TASP1: variants seen among roughly 807,000 people sequenced by gnomAD.
TASP1 encodes taspase 1.
A neutral mutation model predicts 56.6 loss-of-function variants in TASP1; 16 were observed. The observed-to-expected ratio is 0.28, with a 90% CI of 0.19 to 0.43. The LOEUF is 0.43. Ranked by LOEUF, TASP1 falls within the 20% of genes least tolerant of loss-of-function variation. The pLI is 1.00. For synonymous variants in TASP1, 179 were observed against 184.2 expected, an observed-to-expected ratio of 0.97 and a Z score of 0.23; for missense variants, 393 against 511.6, an observed-to-expected ratio of 0.77 and a Z score of 2.24.
chr20:13,483,624 A>C (rs933594727), intron 10 of TASP1, among the ~76,000 whole-genome samples: 12 of 152,344 alleles, frequency 7.9e-5, no homozygotes, highest in African/African-American at 2.9e-4. Context: ...GCACTAACAA[A>C]AAAAATCCCC....
the TASP1 span, among the ~76,000 whole-genome samples, chr20:13,133,623 A>G: frequency 6.6e-6 from 1 of 152,198 alleles, no homozygotes; most frequent in East Asian, 1.9e-4. Context: ...AATCCCAGCT[A>G]CTCTGGAGAC....
At chr20:13,249,630 A>G in the TASP1 span, among the ~76,000 whole-genome samples, 1 of 152,184 alleles carries the variant, frequency 6.6e-6, no homozygotes, top group Admixed American at 6.5e-5. Context: ...GTTGGTTTTA[A>G]TCTCTGTAGT....
chr20:13,451,972 G>C (rs1384492073), intron 11 of TASP1, among the ~76,000 whole-genome samples: 1 of 152,044 alleles, frequency 6.6e-6, no homozygotes, highest in East Asian at 1.9e-4. Flanking sequence ...AGTGAATAAG[G>C]AGGCCAAGGA....
intron 13 of TASP1, among the ~76,000 whole-genome samples, chr20:13,398,385 A>G (rs2041621732): frequency 6.6e-6 from 1 of 151,426 alleles, no homozygotes; most frequent in South Asian, 2.1e-4. Flanking sequence ...AAAAAAAAAA[A>G]GCGGGGGGCA....
intron 7 of TASP1, among the ~76,000 whole-genome samples, chr20:13,565,134 T>A (rs2046481922): frequency 6.6e-6 from 1 of 152,006 alleles, no homozygotes; most frequent in African/African-American, 2.4e-5. Flanking sequence ...ACTAGCACCA[T>A]TCAATAGGGA....
rs111268894 is a variant in TASP1 at position 13,488,121 on chromosome 20, G to A, written c.875-4784C>T. Among the ~76,000 whole-genome samples, 31 of 152,018 alleles carry A rather than the reference G, an allele frequency of 2.0e-4. 3 individuals are homozygous for A. Among genetic ancestry groups the A allele is most frequent in the African/African-American group, 7.2e-4 (30 of 41,478 alleles). Reference sequence around the variant, plus strand: ...GCATTAATAGGCATTTTGAAAGAGAGGAAAGAAAGAAGAAAGCACTAATAT... The same window carrying A: ...GCATTAATAGGCATTTTGAAAGAGAAGAAAGAAAGAAGAAAGCACTAATAT... On this transcript the variant is annotated intron_variant, in intron 10 of 13. Transcript: ENST00000337743.
At chr20:13,462,605 T>C (rs890597912) in intron 11 of TASP1, among the ~76,000 whole-genome samples, 2 of 152,166 alleles carry the variant, frequency 1.3e-5, no homozygotes, top group Non-Finnish European at 2.9e-5. Flanking sequence ...CAAGAGATGT[T>C]GAGCTTATAC....
At chr20:13,221,246 CCTCCTCCTCCT>C in the TASP1 span, among the ~76,000 whole-genome samples, 1 of 144,558 alleles carries the variant, frequency 6.9e-6, no homozygotes, top group Middle Eastern at 3.7e-3. Flanking sequence ...TCCTCCTCCT[CCTCCTCCTCCT>C]CCTCCTTCTC....
At chr20:13,337,964 A>G in the TASP1 span, among the ~76,000 whole-genome samples, 1 of 152,200 alleles carries the variant, frequency 6.6e-6, no homozygotes, top group South Asian at 2.1e-4. Context: ...GTTACCAGAA[A>G]AGGGTCCTGA....
chr20:13,116,185 G>T, the TASP1 span, among the ~76,000 whole-genome samples: 1 of 152,108 alleles, frequency 6.6e-6, no homozygotes, highest in Non-Finnish European at 1.5e-5. Context: ...CAGCTGGACT[G>T]TTTTGACTGA....
chr20:13,207,234 C>T, the TASP1 span, among the ~76,000 whole-genome samples: 1 of 152,342 alleles, frequency 6.6e-6, no homozygotes, highest in South Asian at 2.1e-4. Context: ...CCACATGTCT[C>T]TCATTTTTCT....
chr20:13,113,924 A>G, the TASP1 span, among the ~76,000 whole-genome samples: 4 of 152,194 alleles, frequency 2.6e-5, no homozygotes, highest in Admixed American at 2.6e-4. Context: ...AACATTTCCC[A>G]TGTGCAGCCT....
At chr20:13,277,775 G>A in the TASP1 span, among the ~76,000 whole-genome samples, 7 of 152,178 alleles carry the variant, frequency 4.6e-5, no homozygotes, top group East Asian at 7.7e-4. Flanking sequence ...TAGGTGTCCC[G>A]TGACAGAGGA....
chr20:13,293,685 G>T, the TASP1 span, among the ~76,000 whole-genome samples: 1 of 152,134 alleles, frequency 6.6e-6, no homozygotes, highest in Non-Finnish European at 1.5e-5. Context: ...GTGATGAAAA[G>T]AAAATGGTCT....
At chr20:13,232,342 C>T in the TASP1 span, among the ~76,000 whole-genome samples, 1 of 152,300 alleles carries the variant, frequency 6.6e-6, no homozygotes, top group Admixed American at 6.5e-5. Context: ...CACTGATCTG[C>T]CTTCTCTCAC....
the TASP1 span, chr20:13,288,763 T>C: frequency 1.4e-6 from 2 of 1,416,686 alleles, no homozygotes; most frequent in Non-Finnish European, 1.9e-6. Flanking sequence ...TGACATTGTC[T>C]TTTTAAAAGA....
At chr20:13,117,766 C>T in the TASP1 span, 2 of 1,547,456 alleles carry the variant, frequency 1.3e-6, no homozygotes, top group Admixed American at 1.9e-5. Flanking sequence ...AACCTGAGCG[C>T]CCTGGGGATG....
chr20:13,175,789 T>C, the TASP1 span, among the ~76,000 whole-genome samples: 1 of 152,204 alleles, frequency 6.6e-6, no homozygotes, highest in Admixed American at 6.5e-5. Context: ...GGTTCCCCAC[T>C]GAGATTCTAC....
intron 9 of TASP1, among the ~76,000 whole-genome samples, chr20:13,528,779 C>A (rs1291716757): frequency 1.3e-5 from 2 of 152,074 alleles, no homozygotes; most frequent in Non-Finnish European, 2.9e-5. Context: ...TTTTCCTTCC[C>A]TGAAAAACTT....
Sources: gnomAD v4.1 joint callset for allele counts (sites outside exome capture counted in the v4.1 genomes callset) on GRCh38, gnomAD v4.1.1 for gene constraint, MANE v1.5 for transcripts, NCBI Gene and HGNC (gene_info 2026-07-23, HGNC 2026-07-21) for gene names.